SLC10A7: variants seen among roughly 807,000 people sequenced by gnomAD.
SLC10A7 encodes sodium/bile acid cotransporter 7.
SLC10A7 carries 29 observed loss-of-function variants against 43.2 expected under a neutral mutation model. The observed-to-expected ratio is 0.67, with a 90% CI of 0.50 to 0.92. The LOEUF (loss-of-function observed/expected upper bound fraction) is 0.92. SLC10A7 is among the 40% of genes least tolerant of loss of function. SLC10A7 has a pLI of 0.00. For missense variants in SLC10A7, 295 were observed against 403.2 expected, an observed-to-expected ratio of 0.73 and a Z score of 2.30; for synonymous variants, 152 against 144.8, an observed-to-expected ratio of 1.05 and a Z score of -0.35.
In SLC10A7 at chr4:146,258,739, T is replaced by C. The variant is rs1234943187; in HGVS notation, c.946A>G (p.Ser316Gly). ...GACTTGATTGTTGGCACCAACACAC[T>C]TCCCAGAAGGATCTGAGCTGGGTGG... ...IYHPAQILLGSVLVPTIKSWM... is the reference protein window; with the variant it reads ...IYHPAQILLGGVLVPTIKSWM... Residue 316 changes from serine (S) to glycine (G), a missense_variant, in exon 11 of 12, where the codon AGT (serine) becomes GGT (glycine). Ser to Gly is a moderately conservative substitution (Grantham distance 56). Around this residue, in one of 2 missense-constraint regions of SLC10A7, gnomAD observed 242 missense variants for 362.5 expected, o/e 0.67. Transcript: ENST00000335472. 1.2e-6 allele frequency: 2 copies of C among 1,608,156 alleles called. No individual in the cohort carries two copies. Among genetic ancestry groups the C allele is most frequent in the Non-Finnish European group, 1.7e-6 (2 of 1,178,720 alleles).
intron 5 of SLC10A7, among the ~76,000 whole-genome samples, chr4:146,378,649 G>A (rs1407062225): frequency 6.6e-6 from 1 of 152,106 alleles, no homozygotes; most frequent in African/African-American, 2.4e-5. Context: ...AAGATTTCTA[G>A]AAAATGAGAA....
intron 10 of SLC10A7, among the ~76,000 whole-genome samples, chr4:146,262,325 C>T (rs1728281620): frequency 6.6e-6 from 1 of 151,968 alleles, no homozygotes; most frequent in Non-Finnish European, 1.5e-5. Context: ...GTGGTGAGCT[C>T]AATATCTCTT....
At chr4:146,398,401 T>C (rs964928987) in intron 5 of SLC10A7, among the ~76,000 whole-genome samples, 7 of 152,126 alleles carry the variant, frequency 4.6e-5, no homozygotes, top group African/African-American at 1.7e-4. Flanking sequence ...AGAAGTAGTA[T>C]CAAAAAGATT....
At chr4:146,301,758 G>T (rs1376273189) in intron 7 of SLC10A7, among the ~76,000 whole-genome samples, 1 of 152,094 alleles carries the variant, frequency 6.6e-6, no homozygotes, top group Non-Finnish European at 1.5e-5. Context: ...AAGGCTAATT[G>T]GTGGTTTCTA....
At chr4:146,426,148 T>A (rs1729338085) in intron 5 of SLC10A7, among the ~76,000 whole-genome samples, 1 of 152,208 alleles carries the variant, frequency 6.6e-6, no homozygotes, top group Non-Finnish European at 1.5e-5. Context: ...ATCACAAACT[T>A]TCAAAGTATA....
intron 5 of SLC10A7, among the ~76,000 whole-genome samples, chr4:146,348,568 G>T (rs1734791911): frequency 6.6e-6 from 1 of 152,138 alleles, no homozygotes; most frequent in South Asian, 2.1e-4. Context: ...TACCTTTCCT[G>T]TAGGGTATTT....
chr4:146,480,500 T>C (rs1223212867), intron 4 of SLC10A7, among the ~76,000 whole-genome samples: 1 of 152,104 alleles, frequency 6.6e-6, no homozygotes, highest in Non-Finnish European at 1.5e-5. Context: ...TTCTTGCTGC[T>C]CCATTGTCAT....
At chr4:146,426,446 A>G (rs970716907) in intron 5 of SLC10A7, among the ~76,000 whole-genome samples, 2 of 152,218 alleles carry the variant, frequency 1.3e-5, no homozygotes, top group African/African-American at 4.8e-5. Flanking sequence ...TGGGAGGCCA[A>G]GGTGAAAGGA....
chr4:146,450,816 A>C (rs771302239), intron 4 of SLC10A7, among the ~76,000 whole-genome samples: 30 of 152,164 alleles, frequency 2.0e-4, no homozygotes, highest in Non-Finnish European at 4.1e-4. Flanking sequence ...GGAACTTCTA[A>C]GTCCTTGAAA....
At chr4:146,396,546 C>T (rs1738837515) in intron 5 of SLC10A7, among the ~76,000 whole-genome samples, 1 of 152,048 alleles carries the variant, frequency 6.6e-6, no homozygotes, top group East Asian at 1.9e-4. Flanking sequence ...GAAGGAATTA[C>T]AGTTGTGTGG....
Position 146,344,689 on chromosome 4 carries a change from A to G in SLC10A7, c.436-18693T>C, listed in dbSNP as rs146112790. ...TGGAGTTTTCCAGAGGCTACATGAC[A>G]TGTGATATCAAAAGAGATTTGATAC... On this transcript the variant is annotated intron_variant, in intron 5 of 11. Transcript: ENST00000335472. Among the ~76,000 whole-genome samples the G allele has an allele frequency of 3.9e-3, 593 of 152,158 alleles. 2 individuals carry two copies. Among genetic ancestry groups the G allele is most frequent in the African/African-American group, 0.013 (544 of 41,526 alleles).
At chr4:146,359,199 T>C (rs1421904633) in intron 5 of SLC10A7, among the ~76,000 whole-genome samples, 29 of 152,168 alleles carry the variant, frequency 1.9e-4, no homozygotes. Context: ...CCTATTCAAA[T>C]CCTTGCCCAC....
chr4:146,467,562 CTTTTTTTTTTTTTT>C (rs397995707), intron 4 of SLC10A7, among the ~76,000 whole-genome samples: 2 of 92,832 alleles, frequency 2.2e-5, no homozygotes, highest in African/African-American at 8.4e-5. Flanking sequence ...TTCTTTCTCT[CTTTTTTTTTTTTTT>C]TTTTTTTGAG....
At chr4:146,428,464 T>C (rs1002503245) in intron 5 of SLC10A7, among the ~76,000 whole-genome samples, 6 of 152,120 alleles carry the variant, frequency 3.9e-5, no homozygotes. Flanking sequence ...ATGATGCTTC[T>C]AAACAGCAAA....
intron 5 of SLC10A7, among the ~76,000 whole-genome samples, chr4:146,360,965 A>C (rs1001039985): frequency 1.3e-5 from 2 of 152,088 alleles, no homozygotes; most frequent in Non-Finnish European, 2.9e-5. Flanking sequence ...GCCTCTGTGC[A>C]TGCTGTTCCC....
chr4:146,373,514 C>T (rs539696735), intron 5 of SLC10A7, among the ~76,000 whole-genome samples: 3 of 149,402 alleles, frequency 2.0e-5, no homozygotes, highest in South Asian at 2.1e-4. Context: ...AATACAAGGG[C>T]CAGGCAAAAT....
At chr4:146,333,328 G>A (rs1733662078) in intron 5 of SLC10A7, among the ~76,000 whole-genome samples, 1 of 152,084 alleles carries the variant, frequency 6.6e-6, no homozygotes, top group Non-Finnish European at 1.5e-5. Context: ...TACCATGCCA[G>A]ACCCTATTAG....
At chr4:146,448,074 G>A (rs1296282281) in intron 4 of SLC10A7, among the ~76,000 whole-genome samples, 1 of 151,930 alleles carries the variant, frequency 6.6e-6, no homozygotes, top group Non-Finnish European at 1.5e-5. Flanking sequence ...TTGTGGGGTG[G>A]GGGGAGCGGT....
At chr4:146,442,731 C>A in intron 5 of SLC10A7, 52 bp downstream of exon 5, 2 of 1,588,162 alleles carry the variant, frequency 1.3e-6, no homozygotes, top group African/African-American at 1.4e-5. Context: ...CTTTCATATA[C>A]ACAATATCAC....
Sources: gnomAD v4.1 joint callset for allele counts (sites outside exome capture counted in the v4.1 genomes callset) on GRCh38, gnomAD v4.1.1 for gene constraint, gnomAD v4.1.1 regional missense constraint, MANE v1.5 for transcripts, NCBI Gene and HGNC (gene_info 2026-07-23, HGNC 2026-07-21) for gene names.